The following PHF20 variants were observed in gnomAD, a reference collection of about 807,000 sequenced individuals.
The protein encoded by PHF20 is glioma-expressed antigen 2.
Under a neutral mutation model 113.5 loss-of-function variants are expected in PHF20, and 23 were observed. The ratio of observed to expected loss-of-function variants is 0.20; its 90% CI spans 0.15 to 0.29. PHF20 has a LOEUF of 0.29. Among genes scored for constraint, PHF20 ranks in the 10% least tolerant of loss-of-function variants. PHF20 has a pLI of 1.00. For synonymous variants in PHF20, 434 were observed against 457.3 expected (o/e 0.95, Z 0.65); for missense variants, 943 against 1,219.6 (o/e 0.77, Z 3.38).
chr20:35,876,134 T>C (rs567672843), intron 9 of PHF20, among the ~76,000 whole-genome samples: 4 of 152,296 alleles, frequency 2.6e-5, no homozygotes, highest in African/African-American at 9.6e-5. Context: ...GAAGCACTTA[T>C]CTATTTTCCA....
Position 35,949,754 on chromosome 20 carries a change from G to A in PHF20, c.*2127G>A, listed in dbSNP as rs1429828675. The stretch of plus-strand genomic sequence containing the variant: ...TTGCAAACATTGCTGTTACCATTTA[G>A]AAATATGTGCACTATCAGCTGGGTG... On this transcript the variant is annotated 3_prime_UTR_variant, in exon 18 of 18. Transcript: ENST00000374012. 6.6e-6 allele frequency: 1 copy of A among 152,610 alleles called. No individual in the cohort carries two copies. Among genetic ancestry groups the A allele is most frequent in the Non-Finnish European group, 1.5e-5 (1 of 68,054 alleles). 9.5% of individuals were successfully genotyped at this position (152,610 alleles called of 1,614,324 possible). A position where few individuals can be genotyped will look rare whatever the true frequency, so the allele number is the denominator to read the frequency against.
intron 1 of PHF20, among the ~76,000 whole-genome samples, chr20:35,791,479 A>G (rs2041550515): frequency 7.5e-6 from 1 of 132,568 alleles, no homozygotes; most frequent in Admixed American, 7.4e-5. Context: ...CTATCTATCT[A>G]TCTATCTATC....
Position 35,904,277 on chromosome 20 carries a change from A to ATTTT in PHF20, c.1561+4651_1561+4654dup, listed in dbSNP as rs34412788. On this transcript the variant is annotated intron_variant, in intron 10 of 17. Coordinates refer to ENST00000374012, the MANE Select transcript of PHF20 (RefSeq NM_016436.5). Reference sequence around the variant, plus strand: ...TACCCCCTTTATGCTGAATGCTCTGATTTTTTTTTTTTTTTTTTTTTTTTT... The same window carrying ATTTT: ...TACCCCCTTTATGCTGAATGCTCTGATTTTTTTTTTTTTTTTTTTTTTTTTTTTT... 8.6e-4 allele frequency among the ~76,000 whole-genome samples: 85 copies of ATTTT among 98,920 alleles called. 1 individual carries two copies. The highest frequency in any genetic ancestry group is 1.6e-3 in the African/African-American group (40 of 24,690). The allele number at this position is 98,920 out of a possible 152,430, so 64.9% of individuals were successfully genotyped here. A position where few individuals can be genotyped will look rare whatever the true frequency, so the allele number is the denominator to read the frequency against.
chr20:35,939,924 A>G (rs1242017896), intron 16 of PHF20, among the ~76,000 whole-genome samples: 1 of 152,190 alleles, frequency 6.6e-6, no homozygotes, highest in Non-Finnish European at 1.5e-5. Flanking sequence ...ACTATGTCTA[A>G]ACGGTGTTGG....
At chr20:35,932,234 A>AT (rs763826911) in intron 15 of PHF20, among the ~76,000 whole-genome samples, 28 of 151,036 alleles carry the variant, frequency 1.9e-4, no homozygotes, top group Non-Finnish European at 7.4e-5. Context: ...TGCCTGGCTA[A>AT]TTTTTTGTGT....
intron 2 of PHF20, among the ~76,000 whole-genome samples, chr20:35,825,686 C>T (rs1040390617): frequency 1.3e-5 from 2 of 151,964 alleles, no homozygotes; most frequent in Non-Finnish European, 2.9e-5. Context: ...CTTTGTTGCC[C>T]AGGCTGGAGT....
At chr20:35,903,077 C>CTTTTTTTT (rs376888832) in intron 10 of PHF20, among the ~76,000 whole-genome samples, 1 of 60,006 alleles carries the variant, frequency 1.7e-5, no homozygotes, top group Non-Finnish European at 3.3e-5. Context: ...CCTATCCTTT[C>CTTTTTTTT]TTTTTTTTTT....
intron 2 of PHF20, among the ~76,000 whole-genome samples, chr20:35,821,512 A>G (rs2042168560): frequency 6.6e-6 from 1 of 150,626 alleles, no homozygotes; most frequent in Non-Finnish European, 1.5e-5. Flanking sequence ...AAAAAAAAAA[A>G]GCCAGGCATG....
At chr20:35,871,170 T>C (rs779028386) in intron 8 of PHF20, 36 bp downstream of exon 8, 1 of 1,519,360 alleles carries the variant, frequency 6.6e-7, no homozygotes. Flanking sequence ...CTTGCCAACC[T>C]GGTTCCTATT....
At chr20:35,772,733 T>C (rs1383273946) in intron 1 of PHF20, among the ~76,000 whole-genome samples, 1 of 151,902 alleles carries the variant, frequency 6.6e-6, no homozygotes. Context: ...GGGCCTCCAA[T>C]TTGATTCTGC....
intron 1 of PHF20, among the ~76,000 whole-genome samples, chr20:35,778,957 C>G (rs2041228986): frequency 6.6e-6 from 1 of 151,528 alleles, no homozygotes; most frequent in Middle Eastern, 3.2e-3. Flanking sequence ...AGTGGTGGAG[C>G]CTGAATCAGT....
At chr20:35,833,369 T>C (rs1018804175) in intron 2 of PHF20, among the ~76,000 whole-genome samples, 4 of 152,324 alleles carry the variant, frequency 2.6e-5, no homozygotes, top group Admixed American at 1.3e-4. Flanking sequence ...TTGATGCTTT[T>C]TGGCCTTTGG....
At chr20:35,919,282 A>G (rs946854426) in intron 13 of PHF20, among the ~76,000 whole-genome samples, 1 of 147,758 alleles carries the variant, frequency 6.8e-6, no homozygotes, top group Non-Finnish European at 1.5e-5. Flanking sequence ...CTCCCAAAGT[A>G]TTGGGATTAC....
chr20:35,813,515 G>A (rs980860976), intron 2 of PHF20, among the ~76,000 whole-genome samples: 7 of 152,150 alleles, frequency 4.6e-5, no homozygotes, highest in African/African-American at 7.2e-5. Flanking sequence ...GACCCTGGAC[G>A]CAGCTGGTTC....
chr20:35,879,072 G>C (rs1289370150), intron 9 of PHF20, among the ~76,000 whole-genome samples: 2 of 152,176 alleles, frequency 1.3e-5, no homozygotes, highest in Admixed American at 6.5e-5. Flanking sequence ...AGTACTCCCA[G>C]TTTGCTGCAG....
At chr20:35,806,649 C>G (rs954638577) in intron 2 of PHF20, among the ~76,000 whole-genome samples, 3 of 152,150 alleles carry the variant, frequency 2.0e-5, no homozygotes, top group Non-Finnish European at 4.4e-5. Context: ...GGCCTGTTCT[C>G]AGATCTTTAG....
intron 1 of PHF20, among the ~76,000 whole-genome samples, chr20:35,798,152 C>A (rs1481185209): frequency 6.6e-6 from 1 of 152,158 alleles, no homozygotes; most frequent in Non-Finnish European, 1.5e-5. Context: ...ATGGCTCATG[C>A]CTCTAATTCC....
chr20:35,871,510 A>T, intron 8 of PHF20, 140 bp from the exon 9 acceptor site: 1 of 655,118 alleles, frequency 1.5e-6, no homozygotes, highest in East Asian at 3.0e-5. Flanking sequence ...TATGTATGGG[A>T]ACCTGTGAAT....
At chr20:35,946,278 A>G (rs923030704) in intron 17 of PHF20, among the ~76,000 whole-genome samples, 2 of 152,038 alleles carry the variant, frequency 1.3e-5, no homozygotes, top group Non-Finnish European at 2.9e-5. Context: ...AGACCAAAAT[A>G]CAAAAATTCG....
Sources: gnomAD v4.1 joint callset for allele counts (sites outside exome capture counted in the v4.1 genomes callset) on GRCh38, gnomAD v4.1.1 for gene constraint, MANE v1.5 for transcripts, NCBI Gene and HGNC (gene_info 2026-07-23, HGNC 2026-07-21) for gene names.